The following TTLL11 variants were observed in gnomAD, a reference collection of about 807,000 sequenced individuals.
The protein encoded by TTLL11 is tubulin tyrosine ligase like 11, also known as tubulin polyglutamylase TTLL11.
A neutral mutation model predicts 51.7 loss-of-function variants in TTLL11; 42 were observed. That is an observed-to-expected ratio of 0.81 (90% CI 0.64 to 1.05). The LOEUF (loss-of-function observed/expected upper bound fraction) is 1.05. Ranked by LOEUF, TTLL11 falls within the 50% of genes least tolerant of loss-of-function variation. The pLI, the probability that TTLL11 is intolerant of heterozygous loss-of-function variation, is 0.00. For synonymous variants in TTLL11, 381 were observed against 383.5 expected (o/e 0.99, Z 0.08); for missense variants, 799 against 940.4 (o/e 0.85, Z 1.97).
At chr9:121,824,398 C>A (rs1477072710) in intron 8 of TTLL11, among the ~76,000 whole-genome samples, 1 of 150,680 alleles carries the variant, frequency 6.6e-6, no homozygotes, top group African/African-American at 2.4e-5. Flanking sequence ...AACGCTTGAA[C>A]CAGGAAGTCA....
intron 1 of TTLL11, among the ~76,000 whole-genome samples, chr9:122,066,741 C>T (rs779686948): frequency 2.6e-5 from 4 of 152,096 alleles, no homozygotes; most frequent in African/African-American, 7.2e-5. Flanking sequence ...TAGTATGGTC[C>T]GTTTTCATAC....
At chr9:121,870,782 T>C in intron 6 of TTLL11, 34 bp from the exon 7 acceptor site, 2 of 1,488,692 alleles carry the variant, frequency 1.3e-6, no homozygotes, top group Non-Finnish European at 1.8e-6. Context: ...ATATAACACT[T>C]TCCCTTTCAG....
intron 6 of TTLL11, among the ~76,000 whole-genome samples, chr9:121,933,049 G>C (rs1025264239): frequency 1.3e-5 from 2 of 152,108 alleles, no homozygotes; most frequent in Non-Finnish European, 2.9e-5. Flanking sequence ...CGAAAATGTC[G>C]GTTAGTTTTT....
At chr9:121,970,071 A>G (rs1842510126) in intron 6 of TTLL11, among the ~76,000 whole-genome samples, 1 of 152,262 alleles carries the variant, frequency 6.6e-6, no homozygotes, top group Admixed American at 6.5e-5. Flanking sequence ...CTATTATCAT[A>G]TATCTTTACA....
At chr9:121,842,360 C>A (rs1170342967) in intron 8 of TTLL11, among the ~76,000 whole-genome samples, 1 of 152,024 alleles carries the variant, frequency 6.6e-6, no homozygotes, top group Non-Finnish European at 1.5e-5. Context: ...TGGGCTCAAG[C>A]AATCCTCCTG....
At chr9:121,942,936 C>T (rs1405530496) in intron 6 of TTLL11, among the ~76,000 whole-genome samples, 1 of 152,110 alleles carries the variant, frequency 6.6e-6, no homozygotes, top group African/African-American at 2.4e-5. Context: ...GGGAGCTGTT[C>T]GCTGTTCCCA....
chr9:121,919,622 G>T (rs1400028033), intron 6 of TTLL11, among the ~76,000 whole-genome samples: 1 of 152,196 alleles, frequency 6.6e-6, no homozygotes. Context: ...TAATATGGAA[G>T]ACAGTTGCTC....
At chr9:121,901,958 T>C (rs1839792499) in intron 6 of TTLL11, among the ~76,000 whole-genome samples, 1 of 152,128 alleles carries the variant, frequency 6.6e-6, no homozygotes, top group South Asian at 2.1e-4. Flanking sequence ...TTTTATTTTT[T>C]ATTTATTTAT....
intron 1 of TTLL11, among the ~76,000 whole-genome samples, chr9:122,082,390 T>C (rs1308143242): frequency 6.6e-6 from 1 of 150,832 alleles, no homozygotes; most frequent in Non-Finnish European, 1.5e-5. Flanking sequence ...TAATCCCAGC[T>C]ACTCTGGAGG....
At chr9:121,824,486 A>G (rs1358774547) in intron 8 of TTLL11, among the ~76,000 whole-genome samples, 1 of 151,394 alleles carries the variant, frequency 6.6e-6, no homozygotes, top group African/African-American at 2.4e-5. Context: ...CTCAAAAAAA[A>G]AAAAAAAAGA....
Position 122,039,473 on chromosome 9 carries a change from T to C in TTLL11, c.463-105A>G, listed in dbSNP as rs1025575442. On this transcript the variant is annotated intron_variant, in intron 1 of 8. Coordinates refer to ENST00000321582, the MANE Select transcript of TTLL11 (RefSeq NM_001139442.2). ...TGGCACCCTGGTGTACTTACCATGG[T>C]TTAATCCTTATAATACGCATATGAG... 4.9e-6 allele frequency: 4 copies of C among 815,736 alleles called. No individual in the cohort carries two copies. In the African/African-American group the frequency reaches 5.1e-5, roughly 10 times the overall value. 50.5% of individuals were successfully genotyped at this position (815,736 alleles called of 1,614,324 possible). A position where few individuals can be genotyped will look rare whatever the true frequency, so the allele number is the denominator to read the frequency against.
intron 3 of TTLL11, among the ~76,000 whole-genome samples, chr9:122,022,325 C>T (rs1329039634): frequency 6.6e-6 from 1 of 151,786 alleles, no homozygotes; most frequent in African/African-American, 2.4e-5. Context: ...AAAATTACAT[C>T]AAGACACATC....
At chr9:121,971,671 G>C (rs545871441) in intron 6 of TTLL11, among the ~76,000 whole-genome samples, 11 of 138,534 alleles carry the variant, frequency 7.9e-5, no homozygotes, top group African/African-American at 2.5e-4. Flanking sequence ...GATGGTTGCC[G>C]TGTCTGTGTA....
At chr9:121,856,411 C>T (rs1310556643) in intron 8 of TTLL11, among the ~76,000 whole-genome samples, 1 of 152,160 alleles carries the variant, frequency 6.6e-6, no homozygotes, top group Non-Finnish European at 1.5e-5. Flanking sequence ...AATTTCACCT[C>T]TTTGAGGCTC....
chr9:122,004,017 G>A (rs1190299446), intron 3 of TTLL11, among the ~76,000 whole-genome samples: 1 of 151,756 alleles, frequency 6.6e-6, no homozygotes, highest in East Asian at 2.0e-4. Flanking sequence ...AGCTACTCAG[G>A]AGGCTGAGGT....
chr9:121,878,709 CTCATT>C (rs1188264473), intron 6 of TTLL11, among the ~76,000 whole-genome samples: 2 of 152,236 alleles, frequency 1.3e-5, no homozygotes, highest in African/African-American at 4.8e-5. Context: ...GAGCTGACAG[CTCATT>C]TTACAAAGAC....
intron 3 of TTLL11, among the ~76,000 whole-genome samples, chr9:122,018,329 G>T (rs190138813): frequency 6.6e-6 from 1 of 152,128 alleles, no homozygotes; most frequent in Non-Finnish European, 1.5e-5. Flanking sequence ...AGCTAGGGTG[G>T]TCTCAATCTC....
chr9:121,856,878 C>G (rs1837839555), intron 8 of TTLL11, among the ~76,000 whole-genome samples: 1 of 152,234 alleles, frequency 6.6e-6, no homozygotes, highest in African/African-American at 2.4e-5. Context: ...TCTGCTGACA[C>G]TTGGCAAAAG....
Position 121,863,356 on chromosome 9 carries a change from A to G in TTLL11, c.1734-2913T>C, listed in dbSNP as rs12344749. 3.1e-3 allele frequency among the ~76,000 whole-genome samples: 476 copies of G among 152,312 alleles called. 7 individuals are homozygous for G. The highest frequency in any genetic ancestry group is 0.024 in the East Asian group (125 of 5,172). ...AGCCACAGTGTCCTTTAATTATCATATCAGTGTCCTCTGGGCTACCTGCTC... is the reference window on the plus strand; with the variant it reads ...AGCCACAGTGTCCTTTAATTATCATGTCAGTGTCCTCTGGGCTACCTGCTC... On this transcript the variant is annotated intron_variant, in intron 7 of 8. Coordinates refer to ENST00000321582, the MANE Select transcript of TTLL11 (RefSeq NM_001139442.2).
Sources: allele counts gnomAD v4.1 joint callset (sites outside exome capture counted in the v4.1 genomes callset), GRCh38; gene constraint gnomAD v4.1.1; transcripts MANE v1.5; gene names NCBI Gene and HGNC (gene_info 2026-07-23, HGNC 2026-07-21).